Variants in TRPC4 observed in about 807,000 individuals in gnomAD.
TRPC4 encodes the protein short transient receptor potential channel 4.
A neutral mutation model predicts 99.4 loss-of-function variants in TRPC4; 49 were observed. The observed-to-expected ratio is 0.49, with a 90% CI of 0.39 to 0.63. The LOEUF (loss-of-function observed/expected upper bound fraction) is 0.63, where lower values mean the gene tolerates loss of function less well. TRPC4 is among the 20% of genes least tolerant of loss of function. The pLI is 0.00. For synonymous variants in TRPC4, 454 were observed against 425.9 expected, an observed-to-expected ratio of 1.07 and a Z score of -0.81; for missense variants, 898 against 1,152.9, an observed-to-expected ratio of 0.78 and a Z score of 3.20.
chr13:37,790,548 A>G (rs544824486), intron 1 of TRPC4, among the ~76,000 whole-genome samples: 1 of 152,166 alleles, frequency 6.6e-6, no homozygotes, highest in African/African-American at 2.4e-5. Flanking sequence ...TTTAGCTGAG[A>G]TAATATTTGC....
At chr13:37,857,266 A>T (rs1242584482) in intron 1 of TRPC4, among the ~76,000 whole-genome samples, 3 of 151,700 alleles carry the variant, frequency 2.0e-5, no homozygotes, top group Non-Finnish European at 4.4e-5. Context: ...GAAAAAAATT[A>T]AAAAGGACAC....
intron 3 of TRPC4, among the ~76,000 whole-genome samples, chr13:37,741,088 G>C (rs1487546229): frequency 6.6e-6 from 1 of 152,114 alleles, no homozygotes; most frequent in Non-Finnish European, 1.5e-5. Context: ...AATGTTTTTA[G>C]ACAAATAATC....
At chr13:37,742,863 A>G (rs1955632082) in intron 3 of TRPC4, among the ~76,000 whole-genome samples, 1 of 152,326 alleles carries the variant, frequency 6.6e-6, no homozygotes, top group East Asian at 1.9e-4. Flanking sequence ...TACATGCGGT[A>G]AAACACAACT....
In TRPC4 at chr13:37,636,860, G is replaced by A. The variant is rs1249394591; in HGVS notation, c.*43C>T. On this transcript the variant is annotated 3_prime_UTR_variant, in exon 11 of 11. Transcript: ENST00000379705. ...CATTTTCCCCCACCCAGAGCACTAC[G>A]GAAAATACGTATGTGTATGGTAAAC... is the stretch of plus-strand genomic sequence containing the variant. 3.2e-6 allele frequency: 5 copies of A among 1,562,088 alleles called. No homozygotes were observed. The highest frequency in any genetic ancestry group is 4.3e-6 in the Non-Finnish European group (5 of 1,155,094).
intron 2 of TRPC4, among the ~76,000 whole-genome samples, chr13:37,775,637 C>T (rs1204661918): frequency 6.6e-6 from 1 of 151,520 alleles, no homozygotes; most frequent in Non-Finnish European, 1.5e-5. Flanking sequence ...TAAACATTTT[C>T]TCTCTCTCTC....
At chr13:37,820,694 T>C (rs564369311) in intron 1 of TRPC4, among the ~76,000 whole-genome samples, 1 of 152,210 alleles carries the variant, frequency 6.6e-6, no homozygotes, top group Non-Finnish European at 1.5e-5. Flanking sequence ...AATCACATGA[T>C]TATCTCCATA....
intron 6 of TRPC4, among the ~76,000 whole-genome samples, chr13:37,659,470 G>A (rs1952357409): frequency 6.6e-6 from 1 of 152,086 alleles, no homozygotes; most frequent in Non-Finnish European, 1.5e-5. Flanking sequence ...AAATTACCTA[G>A]TCTCAGATAT....
chr13:37,813,683 G>A (rs907963629), intron 1 of TRPC4, among the ~76,000 whole-genome samples: 1 of 151,726 alleles, frequency 6.6e-6, no homozygotes. Context: ...AGAAGAAATA[G>A]AAATTCTTCA....
At chr13:37,681,711 G>A (rs1837753758) in intron 4 of TRPC4, among the ~76,000 whole-genome samples, 1 of 152,144 alleles carries the variant, frequency 6.6e-6, no homozygotes, top group Admixed American at 6.5e-5. Flanking sequence ...AGAGAACAAA[G>A]ATTAAGACAG....
chr13:37,682,922 CTTT>C (rs35740848), intron 4 of TRPC4, among the ~76,000 whole-genome samples: 27 of 109,312 alleles, frequency 2.5e-4, no homozygotes, highest in East Asian at 1.5e-3. Context: ...GCCCAGCTAT[CTTT>C]TTTTTTTTTT....
chr13:37,717,593 A>C (rs1156668688), intron 3 of TRPC4, among the ~76,000 whole-genome samples: 1 of 152,140 alleles, frequency 6.6e-6, no homozygotes, highest in Non-Finnish European at 1.5e-5. Context: ...AAGTCTTTAA[A>C]GAGGTAATTA....
intron 4 of TRPC4, among the ~76,000 whole-genome samples, chr13:37,690,498 A>G (rs1451692361): frequency 6.6e-6 from 1 of 152,054 alleles, no homozygotes; most frequent in Middle Eastern, 3.2e-3. Flanking sequence ...CATTTTTAGT[A>G]GAGATGGGTG....
chr13:37,640,448 G>A (rs1951684712), intron 8 of TRPC4, among the ~76,000 whole-genome samples: 1 of 152,114 alleles, frequency 6.6e-6, no homozygotes, highest in Admixed American at 6.5e-5. Flanking sequence ...TGTCTTTCAT[G>A]ATTAGTAGTG....
At chr13:37,703,557 G>A (rs750503625) in intron 3 of TRPC4, among the ~76,000 whole-genome samples, 3 of 151,992 alleles carry the variant, frequency 2.0e-5, no homozygotes, top group Non-Finnish European at 4.4e-5. Context: ...TATATAGATG[G>A]CAAATAAACA....
At chr13:37,756,525 T>C (rs1956100018) in intron 2 of TRPC4, among the ~76,000 whole-genome samples, 1 of 141,938 alleles carries the variant, frequency 7.0e-6, no homozygotes, top group Non-Finnish European at 1.5e-5. Flanking sequence ...CACTAATAGC[T>C]TTTTTTTTTC....
chr13:37,720,258 C>T (rs949762633), intron 3 of TRPC4, among the ~76,000 whole-genome samples: 1 of 152,042 alleles, frequency 6.6e-6, no homozygotes, highest in African/African-American at 2.4e-5. Flanking sequence ...TCTGTTACAG[C>T]AGCAAGAGAA....
chr13:37,859,401 T>G (rs2139709966), intron 1 of TRPC4, among the ~76,000 whole-genome samples: 1 of 151,420 alleles, frequency 6.6e-6, no homozygotes, highest in Middle Eastern at 3.4e-3. Context: ...ATGGTCCAAA[T>G]GTCAAACAGT....
At chr13:37,774,072 T>C (rs1406245167) in intron 2 of TRPC4, among the ~76,000 whole-genome samples, 1 of 151,796 alleles carries the variant, frequency 6.6e-6, no homozygotes, top group African/African-American at 2.4e-5. Flanking sequence ...CCAAGTCAAA[T>C]GAATGTATAT....
intron 1 of TRPC4, among the ~76,000 whole-genome samples, chr13:37,825,192 T>C (rs1593266216): frequency 6.6e-6 from 1 of 152,276 alleles, no homozygotes; most frequent in East Asian, 1.9e-4. Context: ...GCTAGTGGTC[T>C]ATCTATTTTG....
Sources: allele counts gnomAD v4.1 joint callset (sites outside exome capture counted in the v4.1 genomes callset), GRCh38; gene constraint gnomAD v4.1.1; transcripts MANE v1.5; gene names NCBI Gene and HGNC (gene_info 2026-07-23, HGNC 2026-07-21).